The following KIAA0825 variants were observed in gnomAD, a reference collection of about 807,000 sequenced individuals.
KIAA0825 encodes the protein uncharacterized protein KIAA0825.
Under a neutral mutation model 147.6 loss-of-function variants are expected in KIAA0825, and 119 were observed. That is an observed-to-expected ratio of 0.81 (90% confidence interval 0.69 to 0.94). KIAA0825 has a LOEUF of 0.94. Among genes scored for constraint, KIAA0825 ranks in the 40% least tolerant of loss-of-function variants. The probability of loss-of-function intolerance (pLI) is 0.00; values close to 1 mark genes in which losing one functional copy is unlikely to be tolerated. For missense variants in KIAA0825, 1,381 were observed against 1,472.7 expected, an observed-to-expected ratio of 0.94 and a Z score of 1.02; for synonymous variants, 470 against 518.1, an observed-to-expected ratio of 0.91 and a Z score of 1.26.
intron 20 of KIAA0825, among the ~76,000 whole-genome samples, chr5:94,154,377 A>G (rs1233018553): frequency 6.6e-6 from 1 of 152,230 alleles, no homozygotes; most frequent in Non-Finnish European, 1.5e-5. Context: ...ATTGTTTCAA[A>G]TGAGGTTTCT....
intron 1 of KIAA0825, chr5:94,594,045 C>G (rs78564223): frequency 1.9e-6 from 1 of 521,998 alleles, no homozygotes; most frequent in Non-Finnish European, 3.9e-6. Context: ...TTGGAACTTG[C>G]GTGCAACATC....
chr5:94,288,201 T>C (rs1486874650), intron 20 of KIAA0825, among the ~76,000 whole-genome samples: 1 of 152,124 alleles, frequency 6.6e-6, no homozygotes, highest in Non-Finnish European at 1.5e-5. Context: ...GCAATGAGTC[T>C]GTAGGTGAAT....
chr5:94,474,214 A>G (rs1761571545), intron 7 of KIAA0825, among the ~76,000 whole-genome samples: 1 of 152,156 alleles, frequency 6.6e-6, no homozygotes. Context: ...GTTGAGCTAC[A>G]GTTGAGGGGC....
At chr5:94,447,774 A>T (rs2150883831) in intron 13 of KIAA0825, among the ~76,000 whole-genome samples, 1 of 152,292 alleles carries the variant, frequency 6.6e-6, no homozygotes, top group Non-Finnish European at 1.5e-5. Context: ...ATAAATACAA[A>T]ACAGGATTAC....
chr5:94,155,262 G>A (rs1238600066), intron 20 of KIAA0825, among the ~76,000 whole-genome samples: 1 of 143,966 alleles, frequency 6.9e-6, no homozygotes, highest in Non-Finnish European at 1.5e-5. Flanking sequence ...CTGTTACCCA[G>A]GCTGGAGTGC....
chr5:94,527,975 TAAAAAAGAATAGTTAAAAAAAGTAA>T (rs1769682893), intron 3 of KIAA0825, among the ~76,000 whole-genome samples: 1 of 151,792 alleles, frequency 6.6e-6, no homozygotes, highest in African/African-American at 2.4e-5. Flanking sequence ...AAAGAATATT[TAAAAAAGAATAGTTAAAAAAAGTAA>T]AAAAAAGAAT....
chr5:94,240,414 GT>G (rs1274592972), intron 20 of KIAA0825, among the ~76,000 whole-genome samples: 12 of 152,186 alleles, frequency 7.9e-5, no homozygotes, highest in African/African-American at 2.9e-4. Flanking sequence ...ATTTTGTCGG[GT>G]GGAAACCGAA....
intron 5 of KIAA0825, among the ~76,000 whole-genome samples, chr5:94,492,486 T>G (rs74548927): frequency 0.012 from 1,768 of 152,326 alleles, 20 homozygotes; most frequent in Middle Eastern, 0.041. Flanking sequence ...TTTTAGCATT[T>G]ACCATGTCAC....
intron 20 of KIAA0825, among the ~76,000 whole-genome samples, chr5:94,205,268 C>CATATGTATATAT (rs775988902): frequency 1.0e-4 from 9 of 90,306 alleles, no homozygotes; most frequent in African/African-American, 3.6e-4. Context: ...ACTATTTAAT[C>CATATGTATATAT]ATATATATAT....
At chr5:94,437,476 C>A (rs1194519860) in intron 14 of KIAA0825, among the ~76,000 whole-genome samples, 2 of 152,164 alleles carry the variant, frequency 1.3e-5, no homozygotes, top group African/African-American at 4.8e-5. Flanking sequence ...TGGGTAAATA[C>A]ACTGCTGTAC....
At chr5:94,309,177 A>ATGAT (rs1405591277) in intron 20 of KIAA0825, among the ~76,000 whole-genome samples, 2 of 151,496 alleles carry the variant, frequency 1.3e-5, no homozygotes, top group Non-Finnish European at 3.0e-5. Flanking sequence ...TGTTGTGGTG[A>ATGAT]TGATAGTGTA....
intron 13 of KIAA0825, among the ~76,000 whole-genome samples, chr5:94,442,065 C>T (rs1371565810): frequency 6.6e-6 from 1 of 152,154 alleles, no homozygotes; most frequent in African/African-American, 2.4e-5. Flanking sequence ...TAAAGGCTTT[C>T]TAAATGTTAA....
intron 20 of KIAA0825, among the ~76,000 whole-genome samples, chr5:94,371,525 G>C (rs1746705931): frequency 6.6e-6 from 1 of 152,128 alleles, no homozygotes. Flanking sequence ...AAGGCAGCAG[G>C]AGAGAGAAGA....
intron 5 of KIAA0825, among the ~76,000 whole-genome samples, chr5:94,505,088 G>A (rs555980357): frequency 1.3e-5 from 2 of 151,644 alleles, no homozygotes; most frequent in Admixed American, 6.5e-5. Flanking sequence ...GGCCAGGCAC[G>A]GAGGCTCACA....
intron 2 of KIAA0825, among the ~76,000 whole-genome samples, chr5:94,566,336 T>G (rs1778707896): frequency 6.6e-6 from 1 of 152,166 alleles, no homozygotes; most frequent in African/African-American, 2.4e-5. Flanking sequence ...ATCAGGACTT[T>G]TTTGAGATTA....
intron 14 of KIAA0825, among the ~76,000 whole-genome samples, chr5:94,429,413 G>A (rs1755351644): frequency 6.6e-6 from 1 of 150,440 alleles, no homozygotes; most frequent in East Asian, 2.0e-4. Context: ...CTTTTCCCCT[G>A]TTTCTGGGGG....
chr5:94,338,333 A>G (rs1186802227), intron 20 of KIAA0825, among the ~76,000 whole-genome samples: 1 of 150,912 alleles, frequency 6.6e-6, no homozygotes, highest in Non-Finnish European at 1.5e-5. Context: ...TATGTGGGAA[A>G]AGAATCCTTT....
chr5:94,530,010 C>A (rs1264056431), intron 3 of KIAA0825, among the ~76,000 whole-genome samples: 1 of 152,058 alleles, frequency 6.6e-6, no homozygotes, highest in African/African-American at 2.4e-5. Context: ...GTGGCTCACA[C>A]CTGTAATCCC....
rs181002766 is a variant in KIAA0825 at position 94,384,634 on chromosome 5, C to T, written c.3620-176G>A. On this transcript the variant is annotated intron_variant, in intron 19 of 20. Transcript: ENST00000682413. ...GAAGAAGGTTTTTATTCCAATAAGA[C>T]GGCAATTAATTTATAAATCCATTTG... 2.0e-3 allele frequency among the ~76,000 whole-genome samples: 304 copies of T among 152,194 alleles called. 1 individual carries two copies. Among genetic ancestry groups the T allele is most frequent in the African/African-American group, 6.5e-3 (268 of 41,534 alleles).
Sources: allele counts gnomAD v4.1 joint callset (sites outside exome capture counted in the v4.1 genomes callset), GRCh38; gene constraint gnomAD v4.1.1; transcripts MANE v1.5; gene names NCBI Gene and HGNC (gene_info 2026-07-23, HGNC 2026-07-21).